Variants in MGAM2 observed in about 807,000 individuals in gnomAD.
The protein encoded by MGAM2 is probable maltase-glucoamylase 2.
In MGAM2, 98 loss-of-function variants were observed where a neutral mutation model predicts 96.1. The ratio of observed to expected loss-of-function variants is 1.02; its 90% confidence interval spans 0.87 to 1.21. The LOEUF (loss-of-function observed/expected upper bound fraction) is 1.21, where lower values mean the gene tolerates loss of function less well. MGAM2 is among the 50% of genes most tolerant of loss of function. The probability of loss-of-function intolerance (pLI) is 0.00; values close to 1 mark genes in which losing one functional copy is unlikely to be tolerated. For missense variants in MGAM2, 2,055 were observed against 1,182.4 expected (o/e 1.74, Z -10.82); for synonymous variants, 749 against 414.8 (o/e 1.81, Z -9.79).
intron 31 of MGAM2, 89 bp from the exon 32 acceptor site, chr7:142,175,563 A>T (rs1796347659): frequency 3.1e-6 from 2 of 645,706 alleles, no homozygotes; most frequent in Admixed American, 5.2e-5. Flanking sequence ...GCAGGCAGGC[A>T]GCAGGACCAG....
intron 17 of MGAM2, among the ~76,000 whole-genome samples, chr7:142,157,064 G>A (rs970513558): frequency 2.0e-4 from 30 of 152,048 alleles, no homozygotes; most frequent in African/African-American, 7.0e-4. Context: ...CTTTGGGATA[G>A]GGAAAATAAA....
rs1796345487 is a variant in MGAM2, at chr7:142,175,500, A to G, written c.3688-152A>G. Among the ~76,000 whole-genome samples, 3 of 152,306 alleles carry G rather than the reference A, an allele frequency of 2.0e-5. No individual in the cohort carries two copies. In the South Asian group the frequency reaches 6.2e-4, roughly 32 times the overall value. ...AGCAATTTCAATCTGCAGAATTGAA[A>G]AGTCAGCAGAGGGAAGTAATGAGAT... On this transcript the variant is annotated intron_variant, in intron 31 of 47. Transcript: ENST00000477922.
rs1794905647 is a variant in MGAM2, at chr7:142,132,048, A to G, written c.538A>G (p.Ser180Gly). 1.4e-6 allele frequency: 1 copy of G among 703,230 alleles called. No homozygotes were observed. The highest frequency in any genetic ancestry group is 2.7e-5 in the East Asian group (1 of 37,270). The allele number at this position is 703,230 out of a possible 1,614,324, so 43.6% of individuals were successfully genotyped here. A position where few individuals can be genotyped will look rare whatever the true frequency, so the allele number is the denominator to read the frequency against. ...CGTGGAGGTTACTGATAAACCTTTCAGCATCAAAATAATGAGGACAAGCAA... is the reference window on the plus strand; with the variant it reads ...CGTGGAGGTTACTGATAAACCTTTCGGCATCAAAATAATGAGGACAAGCAA... ...YYVEVTDKPFSIKIMRTSNRR... is the reference protein window; with the variant it reads ...YYVEVTDKPFGIKIMRTSNRR... Residue 180 changes from serine to glycine, a missense_variant, in exon 6 of 48, where the codon AGC becomes GGC. Ser to Gly is a moderately conservative substitution (Grantham distance 56). Transcript: ENST00000477922.
intron 4 of MGAM2, among the ~76,000 whole-genome samples, 193 bp downstream of exon 4, chr7:142,131,264 C>A (rs576549426): frequency 6.6e-6 from 1 of 152,182 alleles, no homozygotes; most frequent in East Asian, 1.9e-4. Flanking sequence ...GTGGTGAAAC[C>A]CCGTCTCTAC....
At position 142,220,191 on chromosome 7, in the gene MGAM2, A is replaced by G; in HGVS notation, c.5680A>G (p.Asn1894Asp). 1 of 702,912 alleles carries G rather than the reference A, an allele frequency of 1.4e-6. No individual in the cohort carries two copies. Among genetic ancestry groups the G allele is most frequent in the Middle Eastern group, 2.3e-4 (1 of 4,370 alleles). The allele number at this position is 702,912 out of a possible 1,614,324, so 43.5% of individuals were successfully genotyped here. A position where few individuals can be genotyped will look rare whatever the true frequency, so the allele number is the denominator to read the frequency against. The change falls in exon 48 of 48, where the codon AAT (asparagine) becomes GAT (aspartate). Residue 1894 changes from asparagine to aspartate, a missense_variant. Transcript: ENST00000477922. ...FPTSTTNAST[N>D]ATVPITTTPF... ...TACAAGTACTACTAATGCTAGCACT[A>G]ATGCTACTGTTCCTATCACAACCAC...
At chr7:142,196,471 G>A (rs1797039872) in intron 38 of MGAM2, 94 bp from the exon 39 acceptor site, 3 of 697,810 alleles carry the variant, frequency 4.3e-6, no homozygotes, top group Non-Finnish European at 7.8e-6. Flanking sequence ...CATGGTCCAG[G>A]GCTTTCTAAT....
At chr7:142,202,735 T>C (rs1393388351) in intron 45 of MGAM2, among the ~76,000 whole-genome samples, 1 of 152,186 alleles carries the variant, frequency 6.6e-6, no homozygotes, top group East Asian at 1.9e-4. Context: ...GCACCTGGGT[T>C]GATTCCATGT....
At chr7:142,160,103 TG>T (rs1795845047) in intron 20 of MGAM2, 30 bp from the exon 21 acceptor site, 1 of 692,734 alleles carries the variant, frequency 1.4e-6, no homozygotes, top group Non-Finnish European at 2.6e-6. Context: ...GCTTATTACC[TG>T]ATCTATCTTT....
chr7:142,157,709 C>T (rs1003266298), intron 17 of MGAM2, among the ~76,000 whole-genome samples: 17 of 152,124 alleles, frequency 1.1e-4, no homozygotes, highest in Non-Finnish European at 2.1e-4. Context: ...CAAATTTAAA[C>T]TCTGCCACTT....
chr7:142,200,377 G>C (rs907656738), intron 45 of MGAM2, among the ~76,000 whole-genome samples: 8 of 152,164 alleles, frequency 5.3e-5, no homozygotes, highest in African/African-American at 1.9e-4. Flanking sequence ...TGCTCAAGAG[G>C]CAATTTAGAG....
chr7:142,215,559 G>A (rs1168531912), intron 46 of MGAM2, among the ~76,000 whole-genome samples: 2 of 151,842 alleles, frequency 1.3e-5, no homozygotes, highest in African/African-American at 4.8e-5. Context: ...TCGGGAGTTT[G>A]AGACCAGCCT....
chr7:142,188,503 G>A (rs1056769225), intron 36 of MGAM2, among the ~76,000 whole-genome samples: 2 of 152,104 alleles, frequency 1.3e-5, no homozygotes, highest in Non-Finnish European at 1.5e-5. Context: ...CATTATACCA[G>A]TAATCTATGG....
rs1298383631 is a variant in MGAM2, at chr7:142,199,966, T to C, written c.5135T>C (p.Ile1712Thr). Residue 1712 changes from isoleucine to threonine, a missense_variant and splice_region_variant, in exon 45 of 48, where the codon ATT (isoleucine) becomes ACT (threonine). Physicochemically the swap from Ile to Thr is moderately conservative, Grantham distance 89 (BLOSUM62 -1). Transcript: ENST00000477922. ...GTGTTCTGGGATGATGGACAAAGCA[T>C]TGGTGAGTATAAACTTTCCAGGGTC... is the stretch of plus-strand genomic sequence containing the variant. ...GQVFWDDGQS[I>T]DTYENGNYFL... is the part of the protein sequence containing the mutation. 1 of 680,112 alleles carries C rather than the reference T, an allele frequency of 1.5e-6. No homozygotes were observed. The highest frequency in any genetic ancestry group is 1.6e-5 in the South Asian group (1 of 63,148). 42.1% of individuals were successfully genotyped at this position (680,112 alleles called of 1,614,324 possible). A position where few individuals can be genotyped will look rare whatever the true frequency, so the allele number is the denominator to read the frequency against.
At chr7:142,113,054 C>A (rs1817227860) in intron 1 of MGAM2, among the ~76,000 whole-genome samples, 1 of 152,054 alleles carries the variant, frequency 6.6e-6, no homozygotes, top group African/African-American at 2.4e-5. Flanking sequence ...ACACATTAAC[C>A]TAAAGGCTAC....
Position 142,138,670 on chromosome 7 carries a change from A to G in MGAM2, c.1086+3A>G, listed in dbSNP as rs1238996483. 1 of 700,560 alleles carries G rather than the reference A, an allele frequency of 1.4e-6. No homozygotes were observed. The highest frequency in any genetic ancestry group is 2.6e-6 in the Non-Finnish European group (1 of 384,184). 43.4% of individuals were successfully genotyped at this position (700,560 alleles called of 1,614,324 possible). On this transcript the variant is annotated splice_donor_region_variant and intron_variant, in intron 10 of 47. Coordinates refer to ENST00000477922, the MANE Select transcript of MGAM2 (RefSeq NM_001293626.2). ...ATCGTTTAGCTGAGATACCATATGTAAGTCGAAACTTCTTTTACCATGCAG... is the reference window on the plus strand; with the variant it reads ...ATCGTTTAGCTGAGATACCATATGTGAGTCGAAACTTCTTTTACCATGCAG...
chr7:142,178,167 G>A lies in MGAM2; in HGVS notation c.3816+2387G>A, dbSNP rs1796432056. Among the ~76,000 whole-genome samples the A allele has an allele frequency of 2.0e-5, 3 of 152,120 alleles. No individual in the cohort carries two copies. In the South Asian group the frequency reaches 6.2e-4, roughly 31 times the overall value. Reference sequence around the variant, plus strand: ...TAGCCACTTGTATGTCTTCTTTTGAGCAGTGTCTGTTCATGTCCTCTGCCT... The same window carrying A: ...TAGCCACTTGTATGTCTTCTTTTGAACAGTGTCTGTTCATGTCCTCTGCCT... On this transcript the variant is annotated intron_variant, in intron 32 of 47. Transcript: ENST00000477922.
chr7:142,139,962 C>T (rs559686040), intron 10 of MGAM2, among the ~76,000 whole-genome samples: 8 of 152,292 alleles, frequency 5.3e-5, no homozygotes, highest in Admixed American at 2.0e-4. Flanking sequence ...GTGGAGGACA[C>T]GTGGGTCCTA....
In MGAM2 at chr7:142,196,821, G is replaced by A. The variant is rs1482356602; in HGVS notation, c.4632+5G>A. On this transcript the variant is annotated splice_donor_5th_base_variant and intron_variant, in intron 40 of 47. Coordinates refer to ENST00000477922, the MANE Select transcript of MGAM2 (RefSeq NM_001293626.2). ...CACAACAACATCGGGACAAGGGTGA[G>A]GCAGTAGTTCGTGCTCCAGGTGTTG... is the stretch of plus-strand genomic sequence containing the variant. 1.3e-6 allele frequency: 1 copy of A among 776,348 alleles called. No individual in the cohort carries two copies. The highest frequency in any genetic ancestry group is 2.4e-6 in the Non-Finnish European group (1 of 416,862). The allele number at this position is 776,348 out of a possible 1,614,324, so 48.1% of individuals were successfully genotyped here. A position where few individuals can be genotyped will look rare whatever the true frequency, so the allele number is the denominator to read the frequency against.
At chr7:142,142,245 T>C (rs1795252026) in intron 12 of MGAM2, among the ~76,000 whole-genome samples, 2 of 152,212 alleles carry the variant, frequency 1.3e-5, no homozygotes, top group South Asian at 4.1e-4. Context: ...TTTTACTGTT[T>C]CGTTAGAAGC....
Sources: gnomAD v4.1 joint callset for allele counts (sites outside exome capture counted in the v4.1 genomes callset) on GRCh38, gnomAD v4.1.1 for gene constraint, MANE v1.5 for transcripts, NCBI Gene and HGNC (gene_info 2026-07-23, HGNC 2026-07-21) for gene names.